CACNA1E: variants seen among roughly 807,000 people sequenced by gnomAD.
CACNA1E encodes the protein voltage-dependent R-type calcium channel subunit alpha-1E.
In CACNA1E, 40 loss-of-function variants were observed where a neutral mutation model predicts 259.2. That is an observed-to-expected ratio of 0.15 (90% CI 0.12 to 0.20). The LOEUF (loss-of-function observed/expected upper bound fraction) is 0.20, where lower values mean the gene tolerates loss of function less well. Among genes scored for constraint, CACNA1E ranks in the 10% least tolerant of loss-of-function variants. CACNA1E has a pLI of 1.00. For missense variants in CACNA1E, 1,874 were observed against 3,040.1 expected, an observed-to-expected ratio of 0.62 and a Z score of 9.02; for synonymous variants, 1,104 against 1,138.5, an observed-to-expected ratio of 0.97 and a Z score of 0.61.
In CACNA1E at chr1:181,796,570, A is replaced by G. The variant is rs765775644; in HGVS notation, c.6209-98A>G. ...AACATGTGGTTCCTCTGAGGGCCCA[A>G]CCCCAGGCTGTGATGTGATACTTGG... On this transcript the variant is annotated intron_variant, in intron 46 of 47. Coordinates refer to ENST00000367573, the MANE Select transcript of CACNA1E (RefSeq NM_001205293.3). 7.7e-6 allele frequency: 7 copies of G among 912,076 alleles called. No homozygotes were observed. In the Admixed American group the frequency reaches 1.7e-4, roughly 23 times the overall value. 56.5% of individuals were successfully genotyped at this position (912,076 alleles called of 1,614,324 possible). A position where few individuals can be genotyped will look rare whatever the true frequency, so the allele number is the denominator to read the frequency against.
At chr1:181,779,405 C>T in intron 38 of CACNA1E, 1 of 414,128 alleles carries the variant, frequency 2.4e-6, no homozygotes, top group East Asian at 7.4e-5. Context: ...CTACCCTTCT[C>T]TGAGTGTCCT....
intron 18 of CACNA1E, among the ~76,000 whole-genome samples, chr1:181,727,987 C>G (rs1049823506): frequency 1.3e-5 from 2 of 152,104 alleles, no homozygotes; most frequent in African/African-American, 4.8e-5. Flanking sequence ...ATGCCTGGCC[C>G]CTGGATCCCT....
At chr1:181,657,553 C>T (rs1371280481) in intron 7 of CACNA1E, among the ~76,000 whole-genome samples, 1 of 152,112 alleles carries the variant, frequency 6.6e-6, no homozygotes, top group Admixed American at 6.5e-5. Context: ...TTAAATTCTA[C>T]ATGTGTTACT....
At chr1:181,463,460 T>C (rs1661953186) in intron 2 of CACNA1E, among the ~76,000 whole-genome samples, 2 of 152,172 alleles carry the variant, frequency 1.3e-5, no homozygotes, top group Admixed American at 6.5e-5. Flanking sequence ...CATTTCTATA[T>C]ATCTTCAACA....
At chr1:181,797,411 A>G (rs1336517667) in intron 47 of CACNA1E, among the ~76,000 whole-genome samples, 1 of 152,206 alleles carries the variant, frequency 6.6e-6, no homozygotes, top group Non-Finnish European at 1.5e-5. Flanking sequence ...ATCTCTAGTC[A>G]TGGCATTTTG....
At chr1:181,707,786 T>TA (rs549538788) in intron 7 of CACNA1E, among the ~76,000 whole-genome samples, 4 of 152,112 alleles carry the variant, frequency 2.6e-5, no homozygotes, top group Admixed American at 6.5e-5. Flanking sequence ...TATTTGTCAT[T>TA]AAAAAAAATC....
intron 1 of CACNA1E, among the ~76,000 whole-genome samples, chr1:181,507,576 C>A (rs1665815042): frequency 1.3e-5 from 2 of 152,092 alleles, no homozygotes; most frequent in South Asian, 4.2e-4. Context: ...CTGCCATGGT[C>A]CAAGTGGGTA....
At chr1:181,696,547 C>T (rs1328374172) in intron 7 of CACNA1E, among the ~76,000 whole-genome samples, 2 of 152,062 alleles carry the variant, frequency 1.3e-5, no homozygotes, top group South Asian at 2.1e-4. Context: ...AGGGAGGAGT[C>T]GTTATTGCAA....
chr1:181,354,511 A>G (rs1653279467), intron 1 of CACNA1E, among the ~76,000 whole-genome samples: 1 of 152,164 alleles, frequency 6.6e-6, no homozygotes, highest in African/African-American at 2.4e-5. Context: ...TGTGGAGTCC[A>G]CCTTGTTAGA....
chr1:181,362,604 G>A (rs1362259515), intron 1 of CACNA1E, among the ~76,000 whole-genome samples: 3 of 152,198 alleles, frequency 2.0e-5, no homozygotes, highest in African/African-American at 7.2e-5. Context: ...TGTGAGCTCT[G>A]TAAAATGCTG....
chr1:181,668,443 A>G (rs1461660698), intron 7 of CACNA1E, among the ~76,000 whole-genome samples: 1 of 152,214 alleles, frequency 6.6e-6, no homozygotes, highest in Non-Finnish European at 1.5e-5. Flanking sequence ...TAAGGCTGCT[A>G]TGAAGAACAT....
chr1:181,625,139 C>T (rs1473202350), intron 6 of CACNA1E, among the ~76,000 whole-genome samples: 1 of 149,236 alleles, frequency 6.7e-6, no homozygotes, highest in Admixed American at 6.8e-5. Flanking sequence ...TTCTGTCATC[C>T]AGGCTTTGTT....
chr1:181,594,627 A>C (rs1229987148), intron 6 of CACNA1E, among the ~76,000 whole-genome samples: 1 of 152,170 alleles, frequency 6.6e-6, no homozygotes, highest in Non-Finnish European at 1.5e-5. Context: ...TGAACTCCTG[A>C]CTGCAAGTGA....
chr1:181,796,561 G>A (rs2102901895), intron 46 of CACNA1E, 107 bp from the exon 47 acceptor site: 2 of 781,752 alleles, frequency 2.6e-6, no homozygotes, highest in East Asian at 5.6e-5. Context: ...TGGTTCCTCT[G>A]AGGGCCCAAC....
intron 1 of CACNA1E, among the ~76,000 whole-genome samples, chr1:181,343,009 CA>C (rs568462147): frequency 1.3e-3 from 191 of 152,120 alleles, no homozygotes; most frequent in African/African-American, 4.4e-3. Flanking sequence ...AATCACAGGA[CA>C]GGGGGTGGTA....
chr1:181,775,045 G>A (rs1157007075), intron 37 of CACNA1E, among the ~76,000 whole-genome samples: 4 of 152,200 alleles, frequency 2.6e-5, no homozygotes, highest in African/African-American at 7.2e-5. Flanking sequence ...CCATCCTTGT[G>A]AGTGCAAATA....
intron 3 of CACNA1E, among the ~76,000 whole-genome samples, chr1:181,570,167 T>C (rs2102932561): frequency 6.6e-6 from 1 of 152,142 alleles, no homozygotes; most frequent in African/African-American, 2.4e-5. Flanking sequence ...TAGTAGACTT[T>C]TTTTTTTTTT....
chr1:181,770,388 G>A (rs1362939714), intron 35 of CACNA1E, among the ~76,000 whole-genome samples: 2 of 152,148 alleles, frequency 1.3e-5, no homozygotes, highest in African/African-American at 4.8e-5. Flanking sequence ...TGCTGTGTCT[G>A]GGAGTTCATC....
chr1:181,789,608 A>G (rs926234942), intron 43 of CACNA1E, among the ~76,000 whole-genome samples: 1 of 152,162 alleles, frequency 6.6e-6, no homozygotes, highest in Non-Finnish European at 1.5e-5. Context: ...AGCTATTACC[A>G]TACTGGTGGC....
Sources: allele counts gnomAD v4.1 joint callset (sites outside exome capture counted in the v4.1 genomes callset), GRCh38; gene constraint gnomAD v4.1.1; transcripts MANE v1.5; gene names NCBI Gene and HGNC (gene_info 2026-07-23, HGNC 2026-07-21).